The following RNF43 variants were observed in gnomAD, a reference collection of about 807,000 sequenced individuals.
The protein encoded by RNF43 is E3 ubiquitin-protein ligase RNF43.
A neutral mutation model predicts 78.4 loss-of-function variants in RNF43; 37 were observed. The ratio of observed to expected loss-of-function variants is 0.47; its 90% confidence interval spans 0.36 to 0.62. The LOEUF is 0.62. Among genes scored for constraint, RNF43 ranks in the 20% least tolerant of loss-of-function variants. The pLI is 0.00. For synonymous variants in RNF43, 347 were observed against 395.0 expected (o/e 0.88, Z 1.44); for missense variants, 774 against 1,007.9 (o/e 0.77, Z 3.14).
intron 3 of RNF43, among the ~76,000 whole-genome samples, chr17:58,366,044 A>T (rs908451456): frequency 6.6e-6 from 1 of 152,268 alleles, no homozygotes; most frequent in African/African-American, 2.4e-5. Flanking sequence ...CTCATCAAAA[A>T]TGAAGCACCT....
chr17:58,367,578 T>C (rs1272842349), intron 3 of RNF43, among the ~76,000 whole-genome samples: 1 of 152,196 alleles, frequency 6.6e-6, no homozygotes, highest in East Asian at 1.9e-4. Flanking sequence ...TCTCCAGATC[T>C]AGCTCCTTCT....
chr17:58,387,133 G>A (rs1030392623), intron 2 of RNF43, among the ~76,000 whole-genome samples: 3 of 152,134 alleles, frequency 2.0e-5, no homozygotes, highest in South Asian at 2.1e-4. Flanking sequence ...CTAAGCACTC[G>A]TTAGAAACAA....
chr17:58,411,371 T>C (rs1426763942), intron 2 of RNF43, among the ~76,000 whole-genome samples: 1 of 152,132 alleles, frequency 6.6e-6, no homozygotes, highest in Non-Finnish European at 1.5e-5. Flanking sequence ...TATAGGACTG[T>C]CTCTCTAGCT....
chr17:58,415,127 T>C (rs1974096235), intron 2 of RNF43, among the ~76,000 whole-genome samples, 199 bp downstream of exon 2: 1 of 152,166 alleles, frequency 6.6e-6, no homozygotes, highest in Non-Finnish European at 1.5e-5. Flanking sequence ...TCTTCTAAAA[T>C]ATAGGATTTA....
rs115292427 is a variant in RNF43, at chr17:58,391,976, G to A, written c.253-20943C>T. Among the ~76,000 whole-genome samples the A allele has an allele frequency of 8.0e-3, 1,211 of 152,286 alleles. 21 individuals carry two copies. The highest frequency in any genetic ancestry group is 0.027 in the African/African-American group (1,125 of 41,538). On this transcript the variant is annotated intron_variant, in intron 2 of 9. Coordinates refer to ENST00000407977, the MANE Select transcript of RNF43 (RefSeq NM_017763.6). ...TATGTAAGAGTCTTTGCAGCTGGTA[G>A]CTAAAGGATGGGGGTAGAAAAACGA...
intron 2 of RNF43, among the ~76,000 whole-genome samples, chr17:58,405,956 G>A (rs1973905072): frequency 6.6e-6 from 1 of 152,106 alleles, no homozygotes; most frequent in African/African-American, 2.4e-5. Flanking sequence ...CACATTATAA[G>A]GCATCTAGAG....
At chr17:58,367,890 T>C (rs1972990456) in intron 3 of RNF43, among the ~76,000 whole-genome samples, 1 of 152,342 alleles carries the variant, frequency 6.6e-6, no homozygotes, top group Admixed American at 6.5e-5. Flanking sequence ...CAATCATTTA[T>C]TGAGTGGTTA....
rs2143448136 is a variant in RNF43, at chr17:58,360,921, G to C, written c.711C>G (p.Ala237=). 6.3e-7 allele frequency: 1 copy of C among 1,599,014 alleles called. No individual in the cohort carries two copies. The highest frequency in any genetic ancestry group is 8.5e-7 in the Non-Finnish European group (1 of 1,170,714). Residue 237 remains alanine, a synonymous_variant, in exon 7 of 10, where the codon GCC becomes GCG. Coordinates refer to ENST00000407977, the MANE Select transcript of RNF43 (RefSeq NM_017763.6). This position sits in a 1 kb window ranked among gnomAD's most constrained non-coding sequence, Gnocchi z 4.3. ...TGGTGGCCAGCTGGCTGATGGCCCA[G>C]GCTGTTCTCTGCTGAAGCGGATCCT... is the stretch of plus-strand genomic sequence containing the variant. ...SRPDPLQQRT[A]WAISQLATRR...
chr17:58,387,522 G>T (rs948474407), intron 2 of RNF43, among the ~76,000 whole-genome samples: 1 of 151,896 alleles, frequency 6.6e-6, no homozygotes, highest in Admixed American at 6.6e-5. Flanking sequence ...ATGGTGGCAG[G>T]TGCCTGTAAT....
At position 58,405,762 on chromosome 17, in the gene RNF43, GAAAA is replaced by G. The variant is rs550332655; in HGVS notation, c.252+9560_252+9563del. ...AGAAAGAAAGAAAGAAAGAAAGAAA[GAAAA>G]AGAGAAAATAAATAAATCAGCACTC... On this transcript the variant is annotated intron_variant, in intron 2 of 9. Transcript: ENST00000407977. Among the ~76,000 whole-genome samples the G allele has an allele frequency of 2.5e-3, 373 of 147,356 alleles. 2 individuals carry two copies. Among genetic ancestry groups the G allele is most frequent in the African/African-American group, 9.2e-3 (364 of 39,430 alleles).
Position 58,370,948 on chromosome 17 carries a change from C to A in RNF43, c.338G>T (p.Arg113Leu), listed in dbSNP as rs781449421. The A allele has an allele frequency of 1.2e-6, 2 of 1,610,302 alleles. No individual in the cohort carries two copies. Among genetic ancestry groups the A allele is most frequent in the Non-Finnish European group, 1.7e-6 (2 of 1,177,908 alleles). ...TGACAGGCAGGGGCGGGGGGCCCGTCGAGGACTCTCCAGCTTGACGATGCT... is the reference window on the plus strand; with the variant it reads ...TGACAGGCAGGGGCGGGGGGCCCGTAGAGGACTCTCCAGCTTGACGATGCT... ...FISIVKLESP[R>L]RAPRPCLSLA... The change falls in exon 3 of 10, where the codon CGA becomes CTA. Residue 113 changes from arginine (R) to leucine (L), a missense_variant. Physicochemically the swap from Arg to Leu is moderately radical, Grantham distance 102. Transcript: ENST00000407977.
Position 58,354,155 on chromosome 17 carries a change from T to G in RNF43, c.*788A>C, listed in dbSNP as rs1481708559. 4.9e-6 allele frequency: 1 copy of G among 202,390 alleles called. No homozygotes were observed. Among genetic ancestry groups the G allele is most frequent in the Non-Finnish European group, 1.0e-5 (1 of 98,274 alleles). 12.5% of individuals were successfully genotyped at this position (202,390 alleles called of 1,614,324 possible). A position where few individuals can be genotyped will look rare whatever the true frequency, so the allele number is the denominator to read the frequency against. ...CCCGCTCAGCTGTAATTCTGCCTTT[T>G]CTACCTTCATTCCATCCTTCCTCTG... On this transcript the variant is annotated 3_prime_UTR_variant, in exon 10 of 10. Coordinates refer to ENST00000407977, the MANE Select transcript of RNF43 (RefSeq NM_017763.6).
intron 9 of RNF43, chr17:58,356,908 TTTTG>T: frequency 7.0e-5 from 15 of 215,144 alleles, no homozygotes; most frequent in South Asian, 3.8e-4. Flanking sequence ...TTTTTTTTTT[TTTTG>T]AGATGGAGTC....
At position 58,354,957 on chromosome 17, in the gene RNF43, C is replaced by G. The variant is rs35445516; in HGVS notation, c.2338G>C (p.Glu780Gln). The G allele has an allele frequency of 9.3e-6, 15 of 1,614,046 alleles. No individual in the cohort carries two copies. The African/African-American group carries it at 2.0e-4, about 22-fold the overall frequency. Residue 780 changes from glutamate to glutamine, a missense_variant, in exon 10 of 10, where the codon GAA becomes CAA. Coordinates refer to ENST00000407977, the MANE Select transcript of RNF43 (RefSeq NM_017763.6). ...GSEEELEELC[E>Q]QAV ...GCCTGAACATCTCACACAGCCTGTT[C>G]ACACAGCTCCTCGAGTTCCTCCTCT...
chr17:58,369,015 C>T (rs906792862), intron 3 of RNF43, among the ~76,000 whole-genome samples: 2 of 152,060 alleles, frequency 1.3e-5, no homozygotes, highest in African/African-American at 2.4e-5. Flanking sequence ...GCCCAGCTCC[C>T]ACCAATAGCA....
chr17:58,372,597 G>A (rs1973123030), intron 2 of RNF43, among the ~76,000 whole-genome samples: 1 of 152,214 alleles, frequency 6.6e-6, no homozygotes, highest in Non-Finnish European at 1.5e-5. Flanking sequence ...TCTGTCCAAT[G>A]CAGTGAGGAG....
At chr17:58,394,874 T>A (rs561267371) in intron 2 of RNF43, 4 of 152,334 alleles carry the variant, frequency 2.6e-5, no homozygotes, top group African/African-American at 9.6e-5. Flanking sequence ...GAAATAGCCC[T>A]CTTTCATCCT....
rs1165210820 is a variant in RNF43 at position 58,363,549 on chromosome 17, C to T, written c.427G>A (p.Glu143Lys). Residue 143 changes from glutamate (E) to lysine (K), a missense_variant, in exon 4 of 10, where the codon GAG becomes AAG. Physicochemically the swap from Glu to Lys is moderately conservative, Grantham distance 56 (BLOSUM62 1). Transcript: ENST00000407977. The stretch of plus-strand genomic sequence containing the variant: ...ACCTGCTCAGCAGCAGCTCGATCCT[C>T]AGTGATGTCAAAGAGGACAGCACTG... ...GASAVLFDIT[E>K]DRAAAEQLQQ... The T allele has an allele frequency of 2.5e-6, 4 of 1,612,850 alleles. No individual in the cohort carries two copies. The highest frequency in any genetic ancestry group is 3.4e-6 in the Non-Finnish European group (4 of 1,179,038).
chr17:58,380,983 T>A (rs1973303145), intron 2 of RNF43, among the ~76,000 whole-genome samples: 1 of 152,150 alleles, frequency 6.6e-6, no homozygotes, highest in South Asian at 2.1e-4. Context: ...CAGATTTGCA[T>A]TGGCACAATG....
Sources: allele counts gnomAD v4.1 joint callset (sites outside exome capture counted in the v4.1 genomes callset), GRCh38; gene constraint gnomAD v4.1.1; non-coding constraint Gnocchi (gnomAD v3.1); transcripts MANE v1.5; gene names NCBI Gene and HGNC (gene_info 2026-07-23, HGNC 2026-07-21).